DIAPH2: variants seen among roughly 807,000 people sequenced by gnomAD.
DIAPH2 encodes protein diaphanous homolog 2.
Under a neutral mutation model 92.7 loss-of-function variants are expected in DIAPH2, and 35 were observed. That is an observed-to-expected ratio of 0.38 (90% CI 0.29 to 0.50). DIAPH2 has a LOEUF of 0.50. DIAPH2 is among the 20% of genes least tolerant of loss of function. The pLI, the probability that DIAPH2 is intolerant of heterozygous loss-of-function variation, is 0.94. For synonymous variants in DIAPH2, 301 were observed against 280.4 expected, an observed-to-expected ratio of 1.07 and a Z score of -0.73; for missense variants, 701 against 819.5, an observed-to-expected ratio of 0.86 and a Z score of 1.77.
intron 23 of DIAPH2, among the ~76,000 whole-genome samples, chrX:97,284,988 A>G (rs964214302): frequency 5.4e-5 from 6 of 111,752 alleles, no homozygotes; most frequent in African/African-American, 1.6e-4. Flanking sequence ...AATTAAAGAT[A>G]TCAGTTTCCT....
chrX:97,219,930 C>G (rs909648706), intron 22 of DIAPH2, among the ~76,000 whole-genome samples: 2 of 111,850 alleles, frequency 1.8e-5, no homozygotes, highest in African/African-American at 6.5e-5. Flanking sequence ...TTGGCAAGGA[C>G]AAGTTAAAAC....
intron 19 of DIAPH2, among the ~76,000 whole-genome samples, chrX:97,088,426 C>G (rs1190201081): frequency 8.9e-6 from 1 of 112,281 alleles, no homozygotes; most frequent in Non-Finnish European, 1.9e-5. Flanking sequence ...TGCAGACATT[C>G]TGAGCTGTAT....
chrX:96,859,116 TATC>T (rs1252275026), intron 4 of DIAPH2, among the ~76,000 whole-genome samples: 1 of 111,429 alleles, frequency 9.0e-6, no homozygotes, highest in African/African-American at 3.3e-5. Context: ...AGTGATGTGT[TATC>T]AATACCATTT....
intron 26 of DIAPH2, among the ~76,000 whole-genome samples, chrX:97,446,069 G>C (rs1159744361): frequency 1.8e-5 from 2 of 110,886 alleles, no homozygotes; most frequent in Admixed American, 1.9e-4. Context: ...AGCCTTTTTG[G>C]AATTATGACC....
intron 4 of DIAPH2, among the ~76,000 whole-genome samples, chrX:96,803,791 G>A (rs1432020847): frequency 1.8e-5 from 2 of 112,139 alleles, no homozygotes; most frequent in East Asian, 2.8e-4. Context: ...TGTAATCCCA[G>A]CACTTTGGGA....
chrX:97,119,444 C>G (rs1230082483), intron 21 of DIAPH2, among the ~76,000 whole-genome samples: 3 of 111,472 alleles, frequency 2.7e-5, no homozygotes, highest in Non-Finnish European at 5.7e-5. Flanking sequence ...AGCACCTGTT[C>G]TGGTGGAGGT....
chrX:96,968,462 A>G (rs2065907514), intron 17 of DIAPH2, among the ~76,000 whole-genome samples: 1 of 110,764 alleles, frequency 9.0e-6, no homozygotes, highest in Non-Finnish European at 1.9e-5. Context: ...CAGGTGATCC[A>G]CCTGCCTCAG....
At position 97,119,590 on chromosome X, in the gene DIAPH2, G is replaced by C. The variant is rs758266800; in HGVS notation, c.2589+4625G>C. 7.8e-4 allele frequency among the ~76,000 whole-genome samples: 87 copies of C among 112,028 alleles called. 2 individuals carry two copies. The highest frequency in any genetic ancestry group is 2.8e-3 in the African/African-American group (85 of 30,858). On this transcript the variant is annotated intron_variant, in intron 21 of 26. Transcript: ENST00000324765. ...AGCTGTGGTAGTATGGAGAGGAACC[G>C]GCGGTGGGCAGGGCCCTAGAACTCC...
In DIAPH2 at chrX:97,525,914, C is replaced by A. The variant is rs746725555; in HGVS notation, c.3242-73339C>A. On this transcript the variant is annotated intron_variant, in intron 26 of 26. Coordinates refer to ENST00000324765, the MANE Select transcript of DIAPH2 (RefSeq NM_006729.5). ...TATGTTGAATATTTTGATAGAAACT[C>A]TTTTTGCCTGTGGCTTATTTGTCAT... Among the ~76,000 whole-genome samples the A allele has an allele frequency of 4.5e-5, 5 of 112,079 alleles. No individual in the cohort carries two copies. The South Asian group carries it at 1.9e-3, about 42-fold the overall frequency.
At chrX:96,752,055 C>G (rs940849952) in intron 3 of DIAPH2, among the ~76,000 whole-genome samples, 2 of 111,543 alleles carry the variant, frequency 1.8e-5, no homozygotes, top group African/African-American at 6.5e-5. Context: ...GTTTTGAATA[C>G]CATAAGAAAT....
chrX:97,237,748 AT>A (rs1459025607), intron 22 of DIAPH2, among the ~76,000 whole-genome samples: 1 of 108,795 alleles, frequency 9.2e-6, no homozygotes, highest in African/African-American at 3.3e-5. Flanking sequence ...CGCCTGGCTA[AT>A]TTTTTGTATT....
chrX:97,060,735 T>TTAA (rs1315412271), intron 17 of DIAPH2, among the ~76,000 whole-genome samples: 1 of 112,543 alleles, frequency 8.9e-6, no homozygotes, highest in Non-Finnish European at 1.9e-5. Flanking sequence ...ACTAGTCTTA[T>TTAA]GTTTTTGTTC....
rs570482371 is a variant in DIAPH2 at position 96,714,394 on chromosome X, A to G, written c.133-21364A>G. On this transcript the variant is annotated intron_variant, in intron 1 of 26. Transcript: ENST00000324765. ...ATTCTTCTGCCTCAGCCTCCCGAGTAGCTGGGATTACAGGCATGCGCCACC... is the reference window on the plus strand; with the variant it reads ...ATTCTTCTGCCTCAGCCTCCCGAGTGGCTGGGATTACAGGCATGCGCCACC... Among the ~76,000 whole-genome samples, 111 of 108,424 alleles carry G rather than the reference A, an allele frequency of 1.0e-3. No individual in the cohort carries two copies. The South Asian group carries it at 0.042, about 41-fold the overall frequency. 94.2% of individuals were successfully genotyped at this position (108,424 alleles called of 115,157 possible). A position where few individuals can be genotyped will look rare whatever the true frequency, so the allele number is the denominator to read the frequency against.
At position 97,603,619 on chromosome X, in the gene DIAPH2, G is replaced by A. The variant is rs1034063830; in HGVS notation, c.*4302G>A. ...ACTATAAGCACTAAGAAGAAACTAA[G>A]CTATATCTCTAACACTAGACTTGAA... On this transcript the variant is annotated 3_prime_UTR_variant, in exon 27 of 27. Coordinates refer to ENST00000324765, the MANE Select transcript of DIAPH2 (RefSeq NM_006729.5). 5.4e-5 allele frequency: 6 copies of A among 112,126 alleles called. No individual in the cohort carries two copies. The highest frequency in any genetic ancestry group is 1.9e-4 in the African/African-American group (6 of 30,838). 9.2% of individuals were successfully genotyped at this position (112,126 alleles called of 1,213,427 possible). A position where few individuals can be genotyped will look rare whatever the true frequency, so the allele number is the denominator to read the frequency against.
At chrX:97,323,487 A>G (rs1228193263) in intron 23 of DIAPH2, among the ~76,000 whole-genome samples, 2 of 101,070 alleles carry the variant, frequency 2.0e-5, no homozygotes, top group African/African-American at 7.2e-5. Flanking sequence ...GCTACTCTGG[A>G]GGCTGAGGCG....
At chrX:97,445,566 C>T (rs1490621535) in intron 26 of DIAPH2, among the ~76,000 whole-genome samples, 3 of 109,167 alleles carry the variant, frequency 2.7e-5, no homozygotes, top group Admixed American at 9.7e-5. Context: ...TACAGGTGCC[C>T]GCCACCATGC....
chrX:97,281,366 C>A (rs2068494986), intron 23 of DIAPH2, among the ~76,000 whole-genome samples: 1 of 111,249 alleles, frequency 9.0e-6, no homozygotes, highest in Admixed American at 9.7e-5. Flanking sequence ...TTTCTTGAAA[C>A]ATACTGAAAT....
chrX:96,763,085 G>T, intron 4 of DIAPH2: 1 of 957,543 alleles, frequency 1.0e-6, no homozygotes, highest in Non-Finnish European at 1.3e-6. Flanking sequence ...ACTCTTCGTT[G>T]ACCACTGCAT....
At chrX:97,572,955 C>T (rs1281535548) in intron 26 of DIAPH2, among the ~76,000 whole-genome samples, 1 of 111,987 alleles carries the variant, frequency 8.9e-6, no homozygotes, top group Non-Finnish European at 1.9e-5. Flanking sequence ...TGGATCTTGG[C>T]CCTGCCCTAC....
Sources: gnomAD v4.1 joint callset for allele counts (sites outside exome capture counted in the v4.1 genomes callset) on GRCh38, gnomAD v4.1.1 for gene constraint, MANE v1.5 for transcripts, NCBI Gene and HGNC (gene_info 2026-07-23, HGNC 2026-07-21) for gene names.